The following GALNT1 variants were observed in gnomAD, a reference collection of about 807,000 sequenced individuals.
The protein encoded by GALNT1 is GalNAc transferase 1.
GALNT1 carries 17 observed loss-of-function variants against 65.7 expected under a neutral mutation model. That is an observed-to-expected ratio of 0.26 (90% CI 0.18 to 0.39). The LOEUF (loss-of-function observed/expected upper bound fraction) is 0.39, where lower values mean the gene tolerates loss of function less well. GALNT1 is among the 10% of genes least tolerant of loss of function. The probability of loss-of-function intolerance (pLI) is 1.00; values close to 1 mark genes in which losing one functional copy is unlikely to be tolerated. For missense variants in GALNT1, 460 were observed against 672.8 expected, an observed-to-expected ratio of 0.68 and a Z score of 3.50; for synonymous variants, 210 against 219.7, an observed-to-expected ratio of 0.96 and a Z score of 0.39.
chr18:35,686,898 G>C, intron 5 of GALNT1, 118 bp from the exon 6 acceptor site: 2 of 948,060 alleles, frequency 2.1e-6, no homozygotes, highest in Non-Finnish European at 1.5e-6. Context: ...ACAGAGTAGT[G>C]ATACCCTGTT....
At chr18:35,631,685 T>C (rs1033154729) in intron 1 of GALNT1, among the ~76,000 whole-genome samples, 2 of 152,188 alleles carry the variant, frequency 1.3e-5, no homozygotes, top group Non-Finnish European at 2.9e-5. Flanking sequence ...CTTTTCAACA[T>C]AGTGTTGGAA....
At chr18:35,681,961 A>ATTG (rs2047793016) in intron 4 of GALNT1, among the ~76,000 whole-genome samples, 1 of 152,162 alleles carries the variant, frequency 6.6e-6, no homozygotes, top group Non-Finnish European at 1.5e-5. Context: ...GTGAGCATTA[A>ATTG]ATGAGATAAA....
intron 1 of GALNT1, among the ~76,000 whole-genome samples, chr18:35,615,432 G>A (rs1399924694): frequency 6.6e-6 from 1 of 152,102 alleles, no homozygotes; most frequent in African/African-American, 2.4e-5. Context: ...ATTTCAGATG[G>A]ATTAAAGACT....
In GALNT1 at chr18:35,600,084, C is replaced by T. The variant is rs994950239; in HGVS notation, c.-104+18222C>T. Among the ~76,000 whole-genome samples, 8 of 152,058 alleles carry T rather than the reference C, an allele frequency of 5.3e-5. No homozygotes were observed. In the South Asian group the frequency reaches 1.2e-3, roughly 24 times the overall value. The stretch of plus-strand genomic sequence containing the variant: ...TGTCCTTGGTATTTTGATAGGGATG[C>T]CCTGAATCTGTAGATCACATTAGGT... On this transcript the variant is annotated intron_variant, in intron 1 of 11. Transcript: ENST00000269195.
intron 1 of GALNT1, among the ~76,000 whole-genome samples, chr18:35,641,083 C>T (rs1255041238): frequency 6.6e-6 from 1 of 152,174 alleles, no homozygotes; most frequent in Non-Finnish European, 1.5e-5. Flanking sequence ...ACCTTGGCTT[C>T]CCAAAGTATT....
intron 3 of GALNT1, chr18:35,664,173 T>A (rs571812193): frequency 4.6e-6 from 1 of 217,056 alleles, no homozygotes; most frequent in African/African-American, 2.4e-5. Context: ...TTGCTATGTA[T>A]ACACCTGTGT....
chr18:35,581,968 GGCCGGCGCTGCCTGGGGCCGGGGCGC>G (rs1326779061), intron 1 of GALNT1, 106 bp downstream of exon 1: 1 of 151,960 alleles, frequency 6.6e-6, no homozygotes, highest in African/African-American at 2.4e-5. Context: ...GTCCCTTTGT[GGCCGGCGCTGCCTGGGGCCGGGGCGC>G]GGGCACGCTC....
chr18:35,609,913 G>T (rs1325578415), intron 1 of GALNT1, among the ~76,000 whole-genome samples: 3 of 152,146 alleles, frequency 2.0e-5, no homozygotes, highest in African/African-American at 7.2e-5. Flanking sequence ...GTATACATTT[G>T]ATCCTTTTAG....
At chr18:35,691,677 G>A (rs913058679) in intron 8 of GALNT1, among the ~76,000 whole-genome samples, 2 of 152,168 alleles carry the variant, frequency 1.3e-5, no homozygotes, top group Admixed American at 6.5e-5. Context: ...AGCCCAAAAC[G>A]TGCCACAGGG....
At chr18:35,693,420 A>G (rs2048001038) in intron 9 of GALNT1, among the ~76,000 whole-genome samples, 1 of 152,258 alleles carries the variant, frequency 6.6e-6, no homozygotes, top group Non-Finnish European at 1.5e-5. Flanking sequence ...CTTTTAGGTT[A>G]TAGTGAGAAC....
At chr18:35,647,052 T>G (rs1231233178) in intron 1 of GALNT1, among the ~76,000 whole-genome samples, 1 of 152,230 alleles carries the variant, frequency 6.6e-6, no homozygotes, top group Non-Finnish European at 1.5e-5. Flanking sequence ...TCTTCCCACT[T>G]TTATCATCTC....
Position 35,628,901 on chromosome 18 carries a change from C to T in GALNT1, c.-103-25659C>T, listed in dbSNP as rs138720617. ...CCTGATGGAGCTGAAAACCACAGCA[C>T]GAGAACTACATGACGAATGCGCAAG... On this transcript the variant is annotated intron_variant, in intron 1 of 11. Coordinates refer to ENST00000269195, the MANE Select transcript of GALNT1 (RefSeq NM_020474.4). Among the ~76,000 whole-genome samples the T allele has an allele frequency of 2.8e-3, 426 of 152,236 alleles. 3 individuals are homozygous for T. Among genetic ancestry groups the T allele is most frequent in the African/African-American group, 9.6e-3 (400 of 41,548 alleles).
intron 1 of GALNT1, among the ~76,000 whole-genome samples, chr18:35,648,640 G>GT (rs1456265708): frequency 6.6e-6 from 1 of 152,132 alleles, no homozygotes; most frequent in African/African-American, 2.4e-5. Context: ...ATGAATTCTG[G>GT]TATGTGTCTT....
chr18:35,664,778 C>T (rs558985705), intron 3 of GALNT1, among the ~76,000 whole-genome samples: 9 of 152,284 alleles, frequency 5.9e-5, no homozygotes, highest in African/African-American at 2.2e-4. Flanking sequence ...AGTAAGTGAA[C>T]ATGTACATTC....
chr18:35,640,479 A>G (rs542466659), intron 1 of GALNT1, among the ~76,000 whole-genome samples: 16 of 152,334 alleles, frequency 1.1e-4, no homozygotes, highest in African/African-American at 3.4e-4. Context: ...GAATATTTTT[A>G]TAGATTTAAA....
intron 1 of GALNT1, among the ~76,000 whole-genome samples, chr18:35,639,128 C>A (rs1449347523): frequency 6.6e-6 from 1 of 152,100 alleles, no homozygotes; most frequent in Non-Finnish European, 1.5e-5. Flanking sequence ...GCTTCAATTT[C>A]GAAAAAAGTT....
At position 35,711,541 on chromosome 18, in the gene GALNT1, T is replaced by C. The variant is rs2048350531; in HGVS notation, c.*1771T>C. The C allele has an allele frequency of 2.0e-5, 3 of 152,424 alleles. No individual in the cohort carries two copies. In the South Asian group the frequency reaches 6.2e-4, roughly 32 times the overall value. 9.4% of individuals were successfully genotyped at this position (152,424 alleles called of 1,614,324 possible). A position where few individuals can be genotyped will look rare whatever the true frequency, so the allele number is the denominator to read the frequency against. The stretch of plus-strand genomic sequence containing the variant: ...TGAATGGAATTTTTTTCCTTTTCCA[T>C]GAGCTGTGTTAATTCTATCTCCAGT... On this transcript the variant is annotated 3_prime_UTR_variant, in exon 12 of 12. Transcript: ENST00000269195.
At chr18:35,660,864 A>T (rs1445406451) in intron 2 of GALNT1, among the ~76,000 whole-genome samples, 1 of 152,190 alleles carries the variant, frequency 6.6e-6, no homozygotes, top group East Asian at 1.9e-4. Flanking sequence ...TTCAGTAGAC[A>T]TGTAACTTTT....
chr18:35,685,887 C>G (rs370341246), intron 5 of GALNT1, among the ~76,000 whole-genome samples: 4 of 151,974 alleles, frequency 2.6e-5, no homozygotes, highest in African/African-American at 9.7e-5. Flanking sequence ...GCCAACATGG[C>G]GAAACCCCAG....
Sources: gnomAD v4.1 joint callset for allele counts (sites outside exome capture counted in the v4.1 genomes callset) on GRCh38, gnomAD v4.1.1 for gene constraint, MANE v1.5 for transcripts, NCBI Gene and HGNC (gene_info 2026-07-23, HGNC 2026-07-21) for gene names.